The following PSD3 variants were observed in gnomAD, a reference collection of about 807,000 sequenced individuals.
The protein encoded by PSD3 is PH and SEC7 domain-containing protein 3.
Under a neutral mutation model 105.5 loss-of-function variants are expected in PSD3, and 49 were observed. The observed-to-expected ratio is 0.46, with a 90% confidence interval of 0.37 to 0.59. The LOEUF (loss-of-function observed/expected upper bound fraction) is 0.59. Among genes scored for constraint, PSD3 ranks in the 20% least tolerant of loss-of-function variants. The pLI, the probability that PSD3 is intolerant of heterozygous loss-of-function variation, is 0.00. For synonymous variants in PSD3, 557 were observed against 457.8 expected, an observed-to-expected ratio of 1.22 and a Z score of -2.77; for missense variants, 1,561 against 1,263.8, an observed-to-expected ratio of 1.24 and a Z score of -3.57.
At chr8:18,939,109 A>G (rs557438305) in intron 1 of PSD3, among the ~76,000 whole-genome samples, 1 of 152,352 alleles carries the variant, frequency 6.6e-6, no homozygotes, top group East Asian at 1.9e-4. Context: ...AAGTTTCAAG[A>G]AATTCCAAGA....
intron 15 of PSD3, among the ~76,000 whole-genome samples, chr8:18,543,172 G>C (rs1161861192): frequency 6.6e-6 from 1 of 151,790 alleles, no homozygotes; most frequent in East Asian, 1.9e-4. Flanking sequence ...AAAGCCTTTT[G>C]TGACCACCAA....
Position 18,984,275 on chromosome 8 carries a change from C to G in PSD3, c.21+29288G>C, listed in dbSNP as rs1008614611. Among the ~76,000 whole-genome samples the G allele has an allele frequency of 2.0e-5, 3 of 151,630 alleles. No homozygotes were observed. The East Asian group carries it at 5.8e-4, about 29-fold the overall frequency. On this transcript the variant is annotated intron_variant, in intron 1 of 15. Transcript: ENST00000327040. Reference sequence around the variant, plus strand: ...CTACATGTTTACAATAGAGCTGACTCTCTAGTTGTTAAACCACATAACTGA... The same window carrying G: ...CTACATGTTTACAATAGAGCTGACTGTCTAGTTGTTAAACCACATAACTGA...
At chr8:18,588,152 T>C (rs1265206067) in intron 12 of PSD3, among the ~76,000 whole-genome samples, 1 of 152,188 alleles carries the variant, frequency 6.6e-6, no homozygotes, top group Non-Finnish European at 1.5e-5. Flanking sequence ...CAGTATCCTA[T>C]TAACCTAAGA....
chr8:18,934,741 A>C (rs1014852182), intron 2 of PSD3, among the ~76,000 whole-genome samples: 1 of 152,240 alleles, frequency 6.6e-6, no homozygotes, highest in African/African-American at 2.4e-5. Context: ...CACACAGTTT[A>C]TAAGTTCAAG....
intron 4 of PSD3, among the ~76,000 whole-genome samples, chr8:18,821,873 C>T: frequency 3.2e-5 from 1 of 31,450 alleles, no homozygotes; most frequent in Non-Finnish European, 6.5e-5. Context: ...GCACACACAC[C>T]ACACACACAC....
At chr8:18,932,158 G>A (rs572125324) in intron 2 of PSD3, among the ~76,000 whole-genome samples, 4 of 152,240 alleles carry the variant, frequency 2.6e-5, no homozygotes, top group East Asian at 3.9e-4. Context: ...AATCTCATTC[G>A]ATTTCCAGTA....
rs116070729 is a variant in PSD3, at chr8:18,880,421, G to C, written c.131-7688C>G. Reference sequence around the variant, plus strand: ...GCATGTTAGAAAGCTCGCCTTGGTGGAATGTGAAGGATGTGTAGCAGAGAG... The same window carrying C: ...GCATGTTAGAAAGCTCGCCTTGGTGCAATGTGAAGGATGTGTAGCAGAGAG... On this transcript the variant is annotated intron_variant, in intron 2 of 15. Coordinates refer to ENST00000327040, the MANE Select transcript of PSD3 (RefSeq NM_015310.4). 3.2e-3 allele frequency among the ~76,000 whole-genome samples: 485 copies of C among 152,302 alleles called. 3 individuals are homozygous for C. Among genetic ancestry groups the C allele is most frequent in the African/African-American group, 0.011 (475 of 41,558 alleles).
At chr8:18,656,068 C>G (rs1420429937) in intron 9 of PSD3, among the ~76,000 whole-genome samples, 1 of 151,970 alleles carries the variant, frequency 6.6e-6, no homozygotes, top group South Asian at 2.1e-4. Context: ...TTCTTTTCTT[C>G]TTTTTTTCAG....
At chr8:18,545,285 C>T (rs891961853) in intron 15 of PSD3, among the ~76,000 whole-genome samples, 4 of 152,030 alleles carry the variant, frequency 2.6e-5, no homozygotes, top group East Asian at 1.9e-4. Flanking sequence ...ATAAATTGTC[C>T]GGTTCCAAAC....
chr8:18,570,511 C>A (rs893068090), intron 14 of PSD3, among the ~76,000 whole-genome samples: 34 of 148,486 alleles, frequency 2.3e-4, no homozygotes, highest in African/African-American at 8.4e-4. Context: ...GCAAAAGAAA[C>A]TACCATCAGA....
chr8:18,988,114 C>CAT (rs928050595), intron 1 of PSD3, among the ~76,000 whole-genome samples: 285 of 56,336 alleles, frequency 5.1e-3, no homozygotes, highest in Middle Eastern at 0.022. Context: ...TAAATAAATA[C>CAT]ATATATATAT....
chr8:18,684,199 CT>C, intron 9 of PSD3: 1 of 303,948 alleles, frequency 3.3e-6, no homozygotes, highest in South Asian at 4.3e-5. Context: ...ACTCGTCTCT[CT>C]TTTCCACACA....
intron 1 of PSD3, among the ~76,000 whole-genome samples, chr8:18,985,263 C>T (rs766398116): frequency 3.3e-5 from 5 of 152,086 alleles, no homozygotes; most frequent in Non-Finnish European, 7.4e-5. Flanking sequence ...TGGAGGGCTG[C>T]CCTGTCTTTA....
intron 1 of PSD3, among the ~76,000 whole-genome samples, chr8:18,986,499 T>C (rs1012619390): frequency 6.6e-6 from 1 of 151,738 alleles, no homozygotes; most frequent in Non-Finnish European, 1.5e-5. Flanking sequence ...TGGCTTTTTC[T>C]GCTTCACTAC....
At chr8:18,885,875 C>T (rs748812920) in intron 2 of PSD3, among the ~76,000 whole-genome samples, 2 of 152,136 alleles carry the variant, frequency 1.3e-5, no homozygotes, top group Non-Finnish European at 2.9e-5. Context: ...AACTGAGATA[C>T]CTGTTACAAA....
intron 8 of PSD3, among the ~76,000 whole-genome samples, chr8:18,791,750 G>C (rs930130483): frequency 6.6e-6 from 1 of 152,168 alleles, no homozygotes; most frequent in Non-Finnish European, 1.5e-5. Flanking sequence ...AAACTGAACA[G>C]CTTCTGCAGA....
intron 9 of PSD3, among the ~76,000 whole-genome samples, chr8:18,732,178 GA>G (rs930549819): frequency 6.1e-5 from 9 of 148,710 alleles, no homozygotes; most frequent in African/African-American, 1.5e-4. Flanking sequence ...CCTCCCCCCC[GA>G]AAAAAAAACC....
chr8:18,745,337 T>C (rs762753331), intron 9 of PSD3, among the ~76,000 whole-genome samples: 1 of 152,234 alleles, frequency 6.6e-6, no homozygotes, highest in African/African-American at 2.4e-5. Flanking sequence ...AATTTTTCTG[T>C]AATAAAAACC....
At chr8:19,082,392 G>A (rs550624917) in intron 1 of PSD3, among the ~76,000 whole-genome samples, 59 of 152,234 alleles carry the variant, frequency 3.9e-4, no homozygotes, top group African/African-American at 1.3e-3. Flanking sequence ...ACTTTAGTCC[G>A]CAAATCTCCA....
Sources: gnomAD v4.1 joint callset for allele counts (sites outside exome capture counted in the v4.1 genomes callset) on GRCh38, gnomAD v4.1.1 for gene constraint, MANE v1.5 for transcripts, NCBI Gene and HGNC (gene_info 2026-07-23, HGNC 2026-07-21) for gene names.